JMY: variants seen among roughly 807,000 people sequenced by gnomAD.
The protein encoded by JMY is junction mediating and regulatory protein, p53 cofactor, also known as junction-mediating and -regulatory protein.
JMY carries 46 observed loss-of-function variants against 103.3 expected under a neutral mutation model. The ratio of observed to expected loss-of-function variants is 0.45; its 90% CI spans 0.35 to 0.57. JMY has a LOEUF of 0.57. Ranked by LOEUF, JMY falls within the 20% of genes least tolerant of loss-of-function variation. The pLI is 0.00. For missense variants in JMY, 1,238 were observed against 1,255.2 expected, an observed-to-expected ratio of 0.99 and a Z score of 0.21; for synonymous variants, 526 against 489.3, an observed-to-expected ratio of 1.07 and a Z score of -0.99.
At position 79,322,403 on chromosome 5, in the gene JMY, TTTTG is replaced by T. The variant is rs1747483739; in HGVS notation, c.*806_*809del. ...TTGATAATATTTCAAATTATTTTTATTTTGTTTGAATTATTGCTTGATTGCTATG... is the reference window on the plus strand; with the variant it reads ...TTGATAATATTTCAAATTATTTTTATTTTGAATTATTGCTTGATTGCTATG... On this transcript the variant is annotated 3_prime_UTR_variant, in exon 11 of 11. Transcript: ENST00000396137. 1 of 152,262 alleles carries T rather than the reference TTTTG, an allele frequency of 6.6e-6. No individual in the cohort carries two copies. The highest frequency in any genetic ancestry group is 2.4e-5 in the African/African-American group (1 of 41,476). 9.4% of individuals were successfully genotyped at this position (152,262 alleles called of 1,614,324 possible). A position where few individuals can be genotyped will look rare whatever the true frequency, so the allele number is the denominator to read the frequency against.
chr5:79,308,478 A>G (rs1580369746), intron 7 of JMY, among the ~76,000 whole-genome samples: 1 of 152,234 alleles, frequency 6.6e-6, no homozygotes, highest in East Asian at 1.9e-4. Flanking sequence ...TCCTTTCTCC[A>G]TTGAATTGTC....
chr5:79,236,971 C>T lies in JMY; in HGVS notation c.321C>T (p.Ser107=). 6.9e-7 allele frequency: 1 copy of T among 1,454,492 alleles called. No individual in the cohort carries two copies. The highest frequency in any genetic ancestry group is 9.0e-7 in the Non-Finnish European group (1 of 1,105,728). The allele number at this position is 1,454,492 out of a possible 1,614,324, so 90.1% of individuals were successfully genotyped here. ...TTAGGAGCCCCGGGCCCCGGCGGAG[C>T]TCGGCCTGGGCGGAGGGCGGCTCTC... ...TLVRSPGPRR[S]SAWAEGGSPR... Residue 107 remains serine, a synonymous_variant, in exon 1 of 11, where the codon AGC becomes AGT. Transcript: ENST00000396137.
At chr5:79,245,135 A>T (rs1744851378) in intron 1 of JMY, among the ~76,000 whole-genome samples, 1 of 152,118 alleles carries the variant, frequency 6.6e-6, no homozygotes, top group Non-Finnish European at 1.5e-5. Context: ...AATGGGGCTG[A>T]TGGGTTAGAC....
At chr5:79,248,800 G>A (rs1744987244) in intron 1 of JMY, among the ~76,000 whole-genome samples, 1 of 152,072 alleles carries the variant, frequency 6.6e-6, no homozygotes, top group Non-Finnish European at 1.5e-5. Flanking sequence ...GTCAGCGCAG[G>A]CTGGAATGCA....
chr5:79,299,894 T>G (rs961671332), intron 4 of JMY, among the ~76,000 whole-genome samples: 1 of 152,190 alleles, frequency 6.6e-6, no homozygotes, highest in African/African-American at 2.4e-5. Context: ...ACCATAAATA[T>G]GCATAAGTAT....
In JMY at chr5:79,314,539, A is replaced by G. The variant is rs779986668; in HGVS notation, c.2347A>G (p.Thr783Ala). The G allele has an allele frequency of 1.9e-6, 3 of 1,614,086 alleles. No individual in the cohort carries two copies. Among genetic ancestry groups the G allele is most frequent in the East Asian group, 4.5e-5 (2 of 44,868 alleles). Residue 783 changes from threonine to alanine, a missense_variant, in exon 9 of 11, where the codon ACT (threonine) becomes GCT (alanine). Transcript: ENST00000396137. ...TGGTGTTACCTCTGAACTGCCTCCC[A>G]CTATATCTCTTCCACTTTTGAATAA... The part of the protein sequence containing the change: ...LSGVTSELPP[T>A]ISLPLLNNNL...
chr5:79,294,833 G>C (rs1426107477), intron 4 of JMY, among the ~76,000 whole-genome samples: 1 of 150,936 alleles, frequency 6.6e-6, no homozygotes, highest in Middle Eastern at 3.4e-3. Flanking sequence ...ACTCAAGCCT[G>C]TGCGACAAGA....
chr5:79,290,338 A>T, intron 3 of JMY, 67 bp downstream of exon 3: 1 of 1,126,330 alleles, frequency 8.9e-7, no homozygotes, highest in Admixed American at 2.8e-5. Flanking sequence ...TTTTATGTTC[A>T]GAAAAATTAC....
At position 79,237,155 on chromosome 5, in the gene JMY, C is replaced by G. The variant is rs994839000; in HGVS notation, c.505C>G (p.Arg169Gly). The change falls in exon 1 of 11, where the codon CGG (arginine) becomes GGG (glycine). Residue 169 changes from arginine to glycine, a missense_variant. Physicochemically the swap from Arg to Gly is moderately radical, Grantham distance 125. Coordinates refer to ENST00000396137, the MANE Select transcript of JMY (RefSeq NM_152405.5). ...GGCGGGGGCAGCCGCTGCAGCAGCC[C>G]GGCCGGCGCCCAGAGAGGCCCAGGT... The part of the protein sequence containing the change: ...DAAGAAAAAA[R>G]PAPREAQVSS... 290 of 1,548,962 alleles carry G rather than the reference C, an allele frequency of 1.9e-4. No homozygotes were observed. The highest frequency in any genetic ancestry group is 2.4e-4 in the Non-Finnish European group (272 of 1,146,206).
chr5:79,286,117 C>G (rs1374733717), intron 2 of JMY, among the ~76,000 whole-genome samples: 1 of 152,124 alleles, frequency 6.6e-6, no homozygotes, highest in Non-Finnish European at 1.5e-5. Context: ...TGTTTAATGT[C>G]TTAGGTACAA....
Position 79,300,807 on chromosome 5 carries a change from C to T in JMY, c.1825C>T (p.Leu609=), listed in dbSNP as rs748874583. The stretch of plus-strand genomic sequence containing the variant: ...GAAACTTCAGCAGAAAGCACGCCAG[C>T]TGGAAGCAAGACGTGGACGGGTTTC... The part of the protein sequence containing the change: ...LQKLQQKARQ[L]EARRGRVSAK... The change falls in exon 6 of 11, where the codon CTG becomes TTG. Residue 609 remains leucine (L), a synonymous_variant. Coordinates refer to ENST00000396137, the MANE Select transcript of JMY (RefSeq NM_152405.5). 2.5e-6 allele frequency: 4 copies of T among 1,609,944 alleles called. No homozygotes were observed. The highest frequency in any genetic ancestry group is 4.5e-5 in the East Asian group (2 of 44,652).
chr5:79,299,711 A>G (rs1194288831), intron 4 of JMY, among the ~76,000 whole-genome samples: 1 of 152,216 alleles, frequency 6.6e-6, no homozygotes, highest in Admixed American at 6.5e-5. Flanking sequence ...GTCTGTGACC[A>G]TGGAGCAAAG....
At chr5:79,292,471 T>C (rs117025265) in intron 4 of JMY, among the ~76,000 whole-genome samples, 2 of 151,956 alleles carry the variant, frequency 1.3e-5, no homozygotes. Flanking sequence ...CCCAACACCT[T>C]GCAAATTTTT....
rs1457603132 is a variant in JMY, at chr5:79,316,218, A to G, written c.2878A>G (p.Ile960Val). 2 of 1,613,768 alleles carry G rather than the reference A, an allele frequency of 1.2e-6. No homozygotes were observed. Among genetic ancestry groups the G allele is most frequent in the East Asian group, 2.2e-5 (1 of 44,876 alleles). Residue 960 changes from isoleucine to valine, a missense_variant, in exon 10 of 11, where the codon ATC becomes GTC. By Grantham distance (29) the Ile-to-Val change is conservative. Coordinates refer to ENST00000396137, the MANE Select transcript of JMY (RefSeq NM_152405.5). Reference sequence around the variant, plus strand: ...CGATACAGACCCTCTAACACGGAGCATCCATGAAGCTCTTAGAAGAATTAA... The same window carrying G: ...CGATACAGACCCTCTAACACGGAGCGTCCATGAAGCTCTTAGAAGAATTAA... Reference protein sequence around the residue: ...LPDTDPLTRSIHEALRRIKEA... With the variant: ...LPDTDPLTRSVHEALRRIKEA...
Position 79,237,584 on chromosome 5 carries a change from G to A in JMY, c.934G>A (p.Glu312Lys). ...WKILSQVLFTETDDPEEYYES... is the reference protein window; with the variant it reads ...WKILSQVLFTKTDDPEEYYES... ...GATCCTCTCCCAGGTGCTCTTCACC[G>A]AGACCGATGATCCCGAGGAGTATTA... is the stretch of plus-strand genomic sequence containing the variant. The change falls in exon 1 of 11, where the codon GAG becomes AAG. Residue 312 changes from glutamate (E) to lysine (K), a missense_variant. By Grantham distance (56) the Glu-to-Lys change is moderately conservative. Transcript: ENST00000396137. 6.2e-7 allele frequency: 1 copy of A among 1,613,708 alleles called. No homozygotes were observed. Among genetic ancestry groups the A allele is most frequent in the Non-Finnish European group, 8.5e-7 (1 of 1,180,024 alleles).
At chr5:79,306,125 C>T (rs998315544) in intron 6 of JMY, among the ~76,000 whole-genome samples, 6 of 152,284 alleles carry the variant, frequency 3.9e-5, no homozygotes, top group Admixed American at 2.0e-4. Flanking sequence ...CACCTTGCCC[C>T]ATCCCTCCTC....
At chr5:79,310,289 GC>G (rs756880779) in intron 7 of JMY, among the ~76,000 whole-genome samples, 4 of 151,934 alleles carry the variant, frequency 2.6e-5, no homozygotes, top group Non-Finnish European at 5.9e-5. Flanking sequence ...TCAAACTGCT[GC>G]CCTTGAGTTA....
chr5:79,307,940 T>G (rs1029665601), intron 7 of JMY, among the ~76,000 whole-genome samples: 1 of 152,234 alleles, frequency 6.6e-6, no homozygotes, highest in Non-Finnish European at 1.5e-5. Flanking sequence ...TTTCACCATG[T>G]TGGCCAGGCT....
chr5:79,247,555 C>CA (rs1290540331), intron 1 of JMY, among the ~76,000 whole-genome samples: 1 of 152,088 alleles, frequency 6.6e-6, no homozygotes, highest in South Asian at 2.1e-4. Context: ...GAGCTCAAGC[C>CA]ATCTGCCTGC....
Sources: allele counts gnomAD v4.1 joint callset (sites outside exome capture counted in the v4.1 genomes callset), GRCh38; gene constraint gnomAD v4.1.1; transcripts MANE v1.5; gene names NCBI Gene and HGNC (gene_info 2026-07-23, HGNC 2026-07-21).